NTN1: variants seen among roughly 807,000 people sequenced by gnomAD.
The protein encoded by NTN1 is netrin 1.
Under a neutral mutation model 54.2 loss-of-function variants are expected in NTN1, and 11 were observed. The ratio of observed to expected loss-of-function variants is 0.20; its 90% CI spans 0.13 to 0.34. The LOEUF (loss-of-function observed/expected upper bound fraction) is 0.34. Ranked by LOEUF, NTN1 falls within the 10% of genes least tolerant of loss-of-function variation. The pLI is 1.00. For synonymous variants in NTN1, 371 were observed against 382.0 expected (o/e 0.97, Z 0.33); for missense variants, 740 against 893.1 (o/e 0.83, Z 2.18).
chr17:9,143,043 G>T (rs1156986207), intron 2 of NTN1, among the ~76,000 whole-genome samples: 1 of 152,202 alleles, frequency 6.6e-6, no homozygotes, highest in Non-Finnish European at 1.5e-5. Flanking sequence ...GCTGGGAAGT[G>T]ACAAATGGGC....
At chr17:9,029,278 G>A (rs149254736) in intron 2 of NTN1, among the ~76,000 whole-genome samples, 8 of 152,284 alleles carry the variant, frequency 5.3e-5, no homozygotes, top group African/African-American at 1.7e-4. Context: ...CAATTAATCA[G>A]ATTGCCACAA....
chr17:9,228,908 C>CTGATTGTG (rs11281340), intron 6 of NTN1, among the ~76,000 whole-genome samples: 118,790 of 149,388 alleles, frequency 0.8, 47,284 homozygotes, highest in East Asian at 0.85. Context: ...GTGTTCGTGA[C>CTGATTGTG]TGTGTGTGAC....
chr17:9,194,845 G>A lies in NTN1; in HGVS notation c.1411+11876G>A, dbSNP rs139443513. Among the ~76,000 whole-genome samples the A allele has an allele frequency of 6.6e-3, 1,000 of 152,294 alleles. 11 individuals are homozygous for A. Among genetic ancestry groups the A allele is most frequent in the South Asian group, 0.017 (82 of 4,820 alleles). On this transcript the variant is annotated intron_variant, in intron 5 of 6. Transcript: ENST00000173229. The stretch of plus-strand genomic sequence containing the variant: ...CCTCCGCCTTGAGATCAGACATCCC[G>A]TGTGTATTAGGTCAAACCGTGCGGA...
At chr17:9,064,802 G>A (rs1329048712) in intron 2 of NTN1, among the ~76,000 whole-genome samples, 2 of 151,896 alleles carry the variant, frequency 1.3e-5, no homozygotes, top group Non-Finnish European at 2.9e-5. Context: ...GTCTTGCTTT[G>A]TTACTCAGGC....
chr17:9,048,014 A>G (rs1397931731), intron 2 of NTN1, among the ~76,000 whole-genome samples: 2 of 152,156 alleles, frequency 1.3e-5, no homozygotes, highest in African/African-American at 2.4e-5. Context: ...AGTTTTCTTA[A>G]TGGCATCTAG....
At chr17:9,235,119 T>C (rs1023743783) in intron 6 of NTN1, among the ~76,000 whole-genome samples, 4 of 152,098 alleles carry the variant, frequency 2.6e-5, no homozygotes, top group Non-Finnish European at 5.9e-5. Context: ...TCCACCACCA[T>C]GCCTGGCTAA....
chr17:9,184,323 C>T (rs956708452), intron 5 of NTN1, among the ~76,000 whole-genome samples: 2 of 151,960 alleles, frequency 1.3e-5, no homozygotes, highest in African/African-American at 2.4e-5. Flanking sequence ...GGGGAAATGG[C>T]GAAGAGAAGG....
In NTN1 at chr17:9,219,936, C is replaced by A. The variant is rs898125989; in HGVS notation, c.1412-1232C>A. Among the ~76,000 whole-genome samples, 3 of 152,218 alleles carry A rather than the reference C, an allele frequency of 2.0e-5. No individual in the cohort carries two copies. The highest frequency in any genetic ancestry group is 1.3e-4 in the Admixed American group (2 of 15,284). On this transcript the variant is annotated intron_variant, in intron 5 of 6. Transcript: ENST00000173229. This position sits in a 1 kb window ranked among gnomAD's most constrained non-coding sequence, Gnocchi z 4.5. The stretch of plus-strand genomic sequence containing the variant: ...CCCAGCCAACTTCCATCAACCCATG[C>A]CACCACTGCTTCTAGAACAGGCTGG...
intron 2 of NTN1, among the ~76,000 whole-genome samples, chr17:9,027,593 A>G (rs1312743727): frequency 2.0e-5 from 3 of 152,154 alleles, no homozygotes; most frequent in African/African-American, 7.2e-5. Context: ...GGAACAACCT[A>G]TTGCTTCTTG....
the NTN1 span, among the ~76,000 whole-genome samples, chr17:9,008,598 C>T: frequency 1.3e-5 from 2 of 152,204 alleles, no homozygotes; most frequent in East Asian, 1.9e-4. Flanking sequence ...GCTGGGATTA[C>T]AGGCATGAGC....
At chr17:9,012,810 A>G in the NTN1 span, among the ~76,000 whole-genome samples, 1 of 152,204 alleles carries the variant, frequency 6.6e-6, no homozygotes, top group Non-Finnish European at 1.5e-5. Flanking sequence ...AGCCACCACA[A>G]GGATGTTGAG....
intron 2 of NTN1, among the ~76,000 whole-genome samples, chr17:9,146,134 A>G (rs1024792765): frequency 2.0e-4 from 31 of 152,086 alleles, no homozygotes; most frequent in Non-Finnish European, 2.9e-5. Flanking sequence ...CCGTACCTTC[A>G]GCAGTGGTGC....
intron 2 of NTN1, among the ~76,000 whole-genome samples, chr17:9,098,481 A>G (rs955694856): frequency 2.6e-5 from 4 of 152,250 alleles, no homozygotes; most frequent in Non-Finnish European, 5.9e-5. Context: ...GGGTCATTGC[A>G]GCATATCTGG....
chr17:9,150,466 A>T (rs2142288179), intron 2 of NTN1, among the ~76,000 whole-genome samples: 2 of 152,292 alleles, frequency 1.3e-5, no homozygotes, highest in South Asian at 4.1e-4. Flanking sequence ...TCCCCGAAGG[A>T]GGTGGCAGAG....
chr17:9,093,197 A>G (rs1437777264), intron 2 of NTN1, among the ~76,000 whole-genome samples: 1 of 152,196 alleles, frequency 6.6e-6, no homozygotes, highest in Admixed American at 6.5e-5. Context: ...CGGCCTGATA[A>G]ACCGCATTTT....
At chr17:9,024,341 C>T (rs2091863321) in intron 2 of NTN1, among the ~76,000 whole-genome samples, 1 of 152,204 alleles carries the variant, frequency 6.6e-6, no homozygotes, top group Non-Finnish European at 1.5e-5. Context: ...CAAGACTACA[C>T]CTTACTTTTT....
chr17:9,129,896 C>T (rs1277522125), intron 2 of NTN1, among the ~76,000 whole-genome samples: 1 of 152,166 alleles, frequency 6.6e-6, no homozygotes, highest in African/African-American at 2.4e-5. Context: ...AATCTCAGCC[C>T]AACAGAGTCT....
chr17:9,009,324 C>T, the NTN1 span, among the ~76,000 whole-genome samples: 2 of 152,156 alleles, frequency 1.3e-5, no homozygotes, highest in African/African-American at 4.8e-5. Flanking sequence ...TCTGGGCGAC[C>T]CCATAAAGCA....
rs1015146163 is a variant in NTN1, at chr17:9,240,464, G to C, written c.*496G>C. ...CGGAGCACCCACCAAACCACCACCC[G>C]ACACGCAGCCGACGGGATCCCCCCC... On this transcript the variant is annotated 3_prime_UTR_variant, in exon 7 of 7. Transcript: ENST00000173229. 2.6e-5 allele frequency: 4 copies of C among 152,338 alleles called. No homozygotes were observed. Among genetic ancestry groups the C allele is most frequent in the Admixed American group, 2.6e-4 (4 of 15,288 alleles). The allele number at this position is 152,338 out of a possible 1,614,324, so 9.4% of individuals were successfully genotyped here.
Sources: allele counts gnomAD v4.1 joint callset (sites outside exome capture counted in the v4.1 genomes callset), GRCh38; gene constraint gnomAD v4.1.1; non-coding constraint Gnocchi (gnomAD v3.1); transcripts MANE v1.5; gene names NCBI Gene and HGNC (gene_info 2026-07-23, HGNC 2026-07-21).